Variants in NCKIPSD observed in about 807,000 individuals in gnomAD.
NCKIPSD encodes the protein NCK interacting protein with SH3 domain, also known as NCK-interacting protein with SH3 domain.
In NCKIPSD, 48 loss-of-function variants were observed where a neutral mutation model predicts 73.4. The observed-to-expected ratio is 0.65, with a 90% CI of 0.52 to 0.83. The LOEUF (loss-of-function observed/expected upper bound fraction) is 0.83, where lower values mean the gene tolerates loss of function less well. Among genes scored for constraint, NCKIPSD ranks in the 40% least tolerant of loss-of-function variants. The probability of loss-of-function intolerance (pLI) is 0.00; values close to 1 mark genes in which losing one functional copy is unlikely to be tolerated. For synonymous variants in NCKIPSD, 422 were observed against 403.6 expected (o/e 1.05, Z -0.54); for missense variants, 884 against 970.2 (o/e 0.91, Z 1.18).
At chr3:48,683,689 C>T (rs1215891651) in intron 1 of NCKIPSD, among the ~76,000 whole-genome samples, 2 of 152,202 alleles carry the variant, frequency 1.3e-5, no homozygotes, top group Non-Finnish European at 2.9e-5. Flanking sequence ...AGGCTCTGTA[C>T]TGCCATCCCC....
rs993797518 is a variant in NCKIPSD at position 48,679,466 on chromosome 3, G to C, written c.1490-9C>G. On this transcript the variant is annotated splice_polypyrimidine_tract_variant and intron_variant, in intron 8 of 12. Coordinates refer to ENST00000294129, the MANE Select transcript of NCKIPSD (RefSeq NM_016453.4). ...ACAGAGTTTCTGGTGGTCTGGGGGG[G>C]ACAAGGCAGGCAGTCAGAGTCCCCA... is the stretch of plus-strand genomic sequence containing the variant. The C allele has an allele frequency of 2.5e-6, 4 of 1,609,766 alleles. No homozygotes were observed. Among genetic ancestry groups the C allele is most frequent in the East Asian group, 2.2e-5 (1 of 44,818 alleles).
chr3:48,677,674 G>A (rs1457304314), intron 12 of NCKIPSD, among the ~76,000 whole-genome samples: 1 of 152,244 alleles, frequency 6.6e-6, no homozygotes, highest in South Asian at 2.1e-4. Context: ...TCTCGCTCAG[G>A]CTCCTAACGG....
intron 5 of NCKIPSD, 59 bp downstream of exon 5, chr3:48,681,228 G>A (rs2077347233): frequency 6.6e-7 from 1 of 1,515,302 alleles, no homozygotes; most frequent in African/African-American, 1.4e-5. Context: ...CTGGACAAGT[G>A]TGTGACGGTG....
chr3:48,682,973 T>A lies in NCKIPSD; in HGVS notation c.211A>T (p.Ile71Phe). ...ATGGCTGTGTTGTGTACAGCCTCGA[T>A]GGCCCGGTCAATGGCCTGGAGGACA... The part of the protein sequence containing the change: ...QDVLQAIDRA[I>F]EAVHNTAMRD... The change falls in exon 2 of 13, where the codon ATC becomes TTC. Residue 71 changes from isoleucine to phenylalanine, a missense_variant. Coordinates refer to ENST00000294129, the MANE Select transcript of NCKIPSD (RefSeq NM_016453.4). 1 of 1,551,628 alleles carries A rather than the reference T, an allele frequency of 6.4e-7. No homozygotes were observed.
chr3:48,685,469 A>ACCCACG (rs2077422289), intron 1 of NCKIPSD, among the ~76,000 whole-genome samples, 168 bp downstream of exon 1: 1 of 152,066 alleles, frequency 6.6e-6, no homozygotes, highest in African/African-American at 2.4e-5. Context: ...TTGGGGTCTC[A>ACCCACG]GTCCCCGTGG....
intron 7 of NCKIPSD, 41 bp from the exon 8 acceptor site, chr3:48,679,754 C>G: frequency 1.2e-6 from 2 of 1,614,156 alleles, no homozygotes; most frequent in Non-Finnish European, 1.7e-6. Context: ...GGAACTCCCC[C>G]ACTATCTAGG....
chr3:48,675,495 CTA>C (rs1415988021), intron 12 of NCKIPSD, among the ~76,000 whole-genome samples: 20 of 127,986 alleles, frequency 1.6e-4, no homozygotes, highest in Non-Finnish European at 1.9e-4. Context: ...CCCTTATGAT[CTA>C]TATATATATA....
intron 2 of NCKIPSD, 92 bp from the exon 3 acceptor site, chr3:48,682,644 A>G (rs904206639): frequency 1.4e-6 from 2 of 1,422,388 alleles, no homozygotes; most frequent in Non-Finnish European, 1.9e-6. Context: ...CCCATAGCCC[A>G]GGCCCCTCAG....
intron 12 of NCKIPSD, 105 bp from the exon 13 acceptor site, chr3:48,674,852 G>C: frequency 8.6e-7 from 1 of 1,157,532 alleles, no homozygotes. Flanking sequence ...CTGTGGACCT[G>C]AACATCAGGG....
rs2077310281 is a variant in NCKIPSD at position 48,679,442 on chromosome 3, C to CA, written c.1504dup (p.Cys502LeufsTer23). 6.2e-7 allele frequency: 1 copy of CA among 1,613,294 alleles called. No homozygotes were observed. Among genetic ancestry groups the CA allele is most frequent in the Admixed American group, 1.7e-5 (1 of 59,944 alleles). ...CATGGCCAGGATGAGGGCAGAGTAA[C>CA]AGAGTTTCTGGTGGTCTGGGGGGGA... On this transcript the variant is annotated frameshift_variant, in exon 9 of 13. Coordinates refer to ENST00000294129, the MANE Select transcript of NCKIPSD (RefSeq NM_016453.4). LOFTEE classifies it high-confidence loss of function.
At chr3:48,681,126 CCTTT>C (rs1445477561) in intron 5 of NCKIPSD, 157 bp downstream of exon 5, 2 of 1,150,208 alleles carry the variant, frequency 1.7e-6, no homozygotes, top group Non-Finnish European at 2.4e-6. Flanking sequence ...GCTTGTCCTT[CCTTT>C]CTGCTTCAGA....
In NCKIPSD at chr3:48,680,197, G is replaced by A; in HGVS notation, c.1125C>T (p.Val375=). Residue 375 remains valine (V), a synonymous_variant, in exon 6 of 13, where the codon GTC becomes GTT. Coordinates refer to ENST00000294129, the MANE Select transcript of NCKIPSD (RefSeq NM_016453.4). The part of the protein sequence containing the change: ...DLSMALPSGQ[V]CHDQQRLEVI... ...CCTCCAGCCTCTGCTGGTCGTGGCA[G>A]ACCTGCCCTGAGGGCAGGGCCATGC... 1 of 1,613,440 alleles carries A rather than the reference G, an allele frequency of 6.2e-7. No individual in the cohort carries two copies. The highest frequency in any genetic ancestry group is 8.5e-7 in the Non-Finnish European group (1 of 1,179,822).
chr3:48,678,730 G>C lies in NCKIPSD; in HGVS notation c.1799C>G (p.Pro600Arg). ...TGGCTCATGTTTGAAGATGCGCACA[G>C]GGTCATCTAGGAGGCAGGGGTCATA... The part of the protein sequence containing the change: ...LLLLLNRGDD[P>R]VRIFKHEPQP... Residue 600 changes from proline (P) to arginine (R), a missense_variant, in exon 12 of 13, where the codon CCT becomes CGT. Coordinates refer to ENST00000294129, the MANE Select transcript of NCKIPSD (RefSeq NM_016453.4). The C allele has an allele frequency of 6.2e-7, 1 of 1,613,378 alleles. No homozygotes were observed. The highest frequency in any genetic ancestry group is 8.5e-7 in the Non-Finnish European group (1 of 1,179,582).
At position 48,685,728 on chromosome 3, in the gene NCKIPSD, A is replaced by G. The variant is rs776439708; in HGVS notation, c.80T>C (p.Leu27Pro). 5 of 1,534,148 alleles carry G rather than the reference A, an allele frequency of 3.3e-6. No homozygotes were observed. The highest frequency in any genetic ancestry group is 4.4e-6 in the Non-Finnish European group (5 of 1,147,642). Residue 27 changes from leucine (L) to proline (P), a missense_variant, in exon 1 of 13, where the codon CTA (leucine) becomes CCA (proline). By Grantham distance (98) the Leu-to-Pro change is moderately conservative. Transcript: ENST00000294129. ...CCACCAGTGCGCGCTGCTTCGCTCT[A>G]GCACCAGGAAGGTCTCGCCCGCGGC... ...AFAAGETFLV[L>P]ERSSAHWWLA...
chr3:48,685,822 CAGGTGCAGGGA>C lies in NCKIPSD; in HGVS notation c.-26_-16del. ...GCGCGGTACATGAGGCCGGGCAGGGCAGGTGCAGGGAAGGTGGCAAGGGCTGCGGCGCCACA... is the reference window on the plus strand; with the variant it reads ...GCGCGGTACATGAGGCCGGGCAGGGCAGGTGGCAAGGGCTGCGGCGCCACA... On this transcript the variant is annotated 5_prime_UTR_variant, in exon 1 of 13. Transcript: ENST00000294129. The C allele has an allele frequency of 6.9e-7, 1 of 1,454,754 alleles. No individual in the cohort carries two copies. Among genetic ancestry groups the C allele is most frequent in the Non-Finnish European group, 9.0e-7 (1 of 1,111,900 alleles). 90.1% of individuals were successfully genotyped at this position (1,454,754 alleles called of 1,614,324 possible).
intron 12 of NCKIPSD, 34 bp from the exon 13 acceptor site, chr3:48,674,781 GGGAGGTA>G: frequency 1.2e-6 from 2 of 1,606,472 alleles, no homozygotes; most frequent in Non-Finnish European, 1.7e-6. Flanking sequence ...AGGGACCCCA[GGGAGGTA>G]CTGCAACCAC....
intron 12 of NCKIPSD, among the ~76,000 whole-genome samples, chr3:48,675,090 C>T (rs2077231192): frequency 6.6e-6 from 1 of 151,994 alleles, no homozygotes; most frequent in Non-Finnish European, 1.5e-5. Context: ...ACCTCGTGCA[C>T]ATTCACAGCT....
At position 48,685,701 on chromosome 3, in the gene NCKIPSD, A is replaced by G. The variant is rs1430101983; in HGVS notation, c.107T>C (p.Leu36Pro). Residue 36 changes from leucine to proline, a missense_variant, in exon 1 of 13, where the codon CTG (leucine) becomes CCG (proline). Coordinates refer to ENST00000294129, the MANE Select transcript of NCKIPSD (RefSeq NM_016453.4). ...VLERSSAHWW[L>P]AARARSGETG... is the part of the protein sequence containing the mutation. ...CTCACCACTGCGCGCCCGCGCGGCC[A>G]GCCACCAGTGCGCGCTGCTTCGCTC... 2 of 1,526,120 alleles carry G rather than the reference A, an allele frequency of 1.3e-6. No individual in the cohort carries two copies. The highest frequency in any genetic ancestry group is 2.4e-5 in the South Asian group (2 of 83,524). 94.5% of individuals were successfully genotyped at this position (1,526,120 alleles called of 1,614,324 possible).
intron 5 of NCKIPSD, among the ~76,000 whole-genome samples, chr3:48,680,471 C>T (rs894217182): frequency 3.3e-5 from 5 of 152,140 alleles, no homozygotes; most frequent in Admixed American, 6.5e-5. Flanking sequence ...TGGATAAACA[C>T]CCCCAACTAG....
Sources: gnomAD v4.1 joint callset for allele counts (sites outside exome capture counted in the v4.1 genomes callset) on GRCh38, gnomAD v4.1.1 for gene constraint, MANE v1.5 for transcripts, NCBI Gene and HGNC (gene_info 2026-07-23, HGNC 2026-07-21) for gene names.